Variants in ASCC3 observed in about 807,000 individuals in gnomAD.
The protein encoded by ASCC3 is activating signal cointegrator 1 complex subunit 3, also known as ASC-1 complex subunit P200.
ASCC3 carries 158 observed loss-of-function variants against 256.3 expected under a neutral mutation model. That is an observed-to-expected ratio of 0.62 (90% confidence interval 0.54 to 0.70). The LOEUF is 0.70. Ranked by LOEUF, ASCC3 falls within the 30% of genes least tolerant of loss-of-function variation. The probability of loss-of-function intolerance (pLI) is 0.00; values close to 1 mark genes in which losing one functional copy is unlikely to be tolerated. For synonymous variants in ASCC3, 948 were observed against 883.4 expected, an observed-to-expected ratio of 1.07 and a Z score of -1.30; for missense variants, 2,259 against 2,626.0, an observed-to-expected ratio of 0.86 and a Z score of 3.05.
At chr6:100,633,180 A>C (rs1176250013) in intron 25 of ASCC3, among the ~76,000 whole-genome samples, 1 of 152,186 alleles carries the variant, frequency 6.6e-6, no homozygotes, top group Non-Finnish European at 1.5e-5. Flanking sequence ...ATAAGCTTTA[A>C]ATTATGTACC....
chr6:100,872,548 T>C (rs1185595076), intron 1 of ASCC3, among the ~76,000 whole-genome samples: 2 of 151,804 alleles, frequency 1.3e-5, no homozygotes, highest in South Asian at 2.1e-4. Context: ...GAGTCTTGCA[T>C]TGTAAACTCT....
intron 13 of ASCC3, among the ~76,000 whole-genome samples, chr6:100,692,113 T>C (rs931420694): frequency 2.6e-5 from 4 of 152,084 alleles, no homozygotes; most frequent in African/African-American, 9.7e-5. Context: ...AGACCAATAC[T>C]GATCTACTTG....
intron 3 of ASCC3, chr6:100,859,064 T>C (rs781492781): frequency 6.5e-6 from 5 of 772,794 alleles, no homozygotes; most frequent in Non-Finnish European, 1.2e-5. Flanking sequence ...TAGTCAAATA[T>C]TCAGATTTTC....
intron 11 of ASCC3, among the ~76,000 whole-genome samples, chr6:100,725,248 A>C (rs1055657245): frequency 1.3e-5 from 2 of 152,006 alleles, no homozygotes; most frequent in Non-Finnish European, 2.9e-5. Context: ...TTAAAAACTC[A>C]TGAATATTCT....
Position 100,827,003 on chromosome 6 carries a change from T to C in ASCC3, c.802-21123A>G, listed in dbSNP as rs76643663. Among the ~76,000 whole-genome samples the C allele has an allele frequency of 6.7e-4, 102 of 152,330 alleles. 1 individual carries two copies. The East Asian group carries it at 0.013, about 20-fold the overall frequency. On this transcript the variant is annotated intron_variant, in intron 4 of 41. Coordinates refer to ENST00000369162, the MANE Select transcript of ASCC3 (RefSeq NM_006828.4). ...GTAATCAACAGCCATATGTGGCTACTGTCTACCATGTTGGAGAGCAAATAC... is the reference window on the plus strand; with the variant it reads ...GTAATCAACAGCCATATGTGGCTACCGTCTACCATGTTGGAGAGCAAATAC...
chr6:100,808,050 C>G (rs1425196117), intron 4 of ASCC3, among the ~76,000 whole-genome samples: 1 of 151,876 alleles, frequency 6.6e-6, no homozygotes. Flanking sequence ...GTTGCCAATG[C>G]TAAAATGCAA....
chr6:100,639,875 G>A (rs964832024), intron 24 of ASCC3, among the ~76,000 whole-genome samples: 7 of 152,150 alleles, frequency 4.6e-5, no homozygotes, highest in Non-Finnish European at 7.3e-5. Flanking sequence ...AGCACTTTGG[G>A]AGGCCGAAGC....
At chr6:100,814,740 T>C (rs1178439122) in intron 4 of ASCC3, among the ~76,000 whole-genome samples, 4 of 152,222 alleles carry the variant, frequency 2.6e-5, no homozygotes, top group Non-Finnish European at 5.9e-5. Flanking sequence ...GAGGTGTTTA[T>C]AGTATTCTCT....
intron 37 of ASCC3, among the ~76,000 whole-genome samples, chr6:100,539,901 A>G (rs1455976617): frequency 6.6e-6 from 1 of 152,118 alleles, no homozygotes; most frequent in Admixed American, 6.5e-5. Context: ...CTTGTTAATT[A>G]TTATATGCTC....
chr6:100,602,162 C>T (rs536976051), intron 33 of ASCC3, among the ~76,000 whole-genome samples: 1 of 152,050 alleles, frequency 6.6e-6, no homozygotes, highest in African/African-American at 2.4e-5. Context: ...GTCTATAAAT[C>T]ACTTAGTATC....
rs538614810 is a variant in ASCC3, at chr6:100,814,842, A to T, written c.802-8962T>A. ...GATTTTCTCTCTTTTCTTCTTCATT[A>T]GTCTAGCTAGCAGTCTATTTTATTA... On this transcript the variant is annotated intron_variant, in intron 4 of 41. Coordinates refer to ENST00000369162, the MANE Select transcript of ASCC3 (RefSeq NM_006828.4). Among the ~76,000 whole-genome samples the T allele has an allele frequency of 1.9e-4, 29 of 152,036 alleles. No individual in the cohort carries two copies. The East Asian group carries it at 3.9e-3, about 20-fold the overall frequency.
In ASCC3 at chr6:100,587,598, G is replaced by A. The variant is rs571897624; in HGVS notation, c.5550+2036C>T. ...AAAGTTCCTTGGACTAAACACCATG[G>A]GAGAAGAAGATATTCTTGCTGTGGA... is the stretch of plus-strand genomic sequence containing the variant. On this transcript the variant is annotated intron_variant, in intron 36 of 41. Transcript: ENST00000369162. Among the ~76,000 whole-genome samples the A allele has an allele frequency of 3.9e-5, 6 of 152,288 alleles. No homozygotes were observed. In the South Asian group the frequency reaches 1.2e-3, roughly 32 times the overall value.
intron 34 of ASCC3, among the ~76,000 whole-genome samples, chr6:100,593,749 A>G (rs995201725): frequency 6.6e-6 from 1 of 152,132 alleles, no homozygotes; most frequent in Admixed American, 6.6e-5. Context: ...AATGACACAA[A>G]TAGCGAAAGT....
chr6:100,508,372 A>G lies in ASCC3; in HGVS notation c.*1014T>C, dbSNP rs1453757841. On this transcript the variant is annotated 3_prime_UTR_variant, in exon 42 of 42. Coordinates refer to ENST00000369162, the MANE Select transcript of ASCC3 (RefSeq NM_006828.4). ...TTTCACAAAGGTAGAATTTCATTCC[A>G]CTAGAATGCATATTATATGAACATT... The G allele has an allele frequency of 1.3e-5, 2 of 152,172 alleles. No individual in the cohort carries two copies. The highest frequency in any genetic ancestry group is 2.9e-5 in the Non-Finnish European group (2 of 68,006). 9.4% of individuals were successfully genotyped at this position (152,172 alleles called of 1,614,324 possible). A position where few individuals can be genotyped will look rare whatever the true frequency, so the allele number is the denominator to read the frequency against.
chr6:100,820,366 T>C (rs1365701905), intron 4 of ASCC3, among the ~76,000 whole-genome samples: 1 of 152,146 alleles, frequency 6.6e-6, no homozygotes, highest in African/African-American at 2.4e-5. Context: ...TTTAAAAGAA[T>C]GCCAAGACTA....
At chr6:100,736,446 A>T (rs931435801) in intron 10 of ASCC3, among the ~76,000 whole-genome samples, 41 of 152,044 alleles carry the variant, frequency 2.7e-4, no homozygotes, top group African/African-American at 9.9e-4. Context: ...GGTTTCAGTG[A>T]GCCGAGATCT....
At chr6:100,522,707 T>C (rs1774372055) in intron 37 of ASCC3, among the ~76,000 whole-genome samples, 1 of 151,984 alleles carries the variant, frequency 6.6e-6, no homozygotes, top group African/African-American at 2.4e-5. Context: ...GGATGGATGT[T>C]TGTTAAGCAT....
intron 30 of ASCC3, among the ~76,000 whole-genome samples, chr6:100,611,729 G>A (rs941889490): frequency 6.6e-6 from 1 of 151,784 alleles, no homozygotes; most frequent in Non-Finnish European, 1.5e-5. Flanking sequence ...AAAAATACTT[G>A]GGTTACCATC....
chr6:100,751,669 A>C (rs1780949661), intron 10 of ASCC3, among the ~76,000 whole-genome samples: 1 of 152,074 alleles, frequency 6.6e-6, no homozygotes, highest in Admixed American at 6.6e-5. Flanking sequence ...GCTGCTCAAG[A>C]CCGCATTGTA....
Sources: gnomAD v4.1 joint callset for allele counts (sites outside exome capture counted in the v4.1 genomes callset) on GRCh38, gnomAD v4.1.1 for gene constraint, MANE v1.5 for transcripts, NCBI Gene and HGNC (gene_info 2026-07-23, HGNC 2026-07-21) for gene names.